Variants in ZNF70 observed in about 807,000 individuals in gnomAD.
ZNF70 encodes zinc finger protein 70.
A neutral mutation model predicts 37.7 loss-of-function variants in ZNF70; 18 were observed. That is an observed-to-expected ratio of 0.48 (90% confidence interval 0.33 to 0.71). The LOEUF (loss-of-function observed/expected upper bound fraction) is 0.71. Ranked by LOEUF, ZNF70 falls within the 30% of genes least tolerant of loss-of-function variation. ZNF70 has a pLI of 0.02. For missense variants in ZNF70, 506 were observed against 568.6 expected (o/e 0.89, Z 1.12); for synonymous variants, 219 against 220.1 (o/e 0.99, Z 0.05).
At position 23,744,889 on chromosome 22, in the gene ZNF70, T is replaced by A. The variant is rs1218234407; in HGVS notation, c.252A>T (p.Arg84Ser). Reference protein sequence around the residue: ...VQHQSIPPGTRPQDDELFGQT... With the variant: ...VQHQSIPPGTSPQDDELFGQT... ...GTCCGAAGAGCTCATCATCCTGGGG[T>A]CTGGTTCCTGGGGGGATACTTTGAT... The change falls in exon 2 of 2, where the codon AGA becomes AGT. Residue 84 changes from arginine (R) to serine (S), a missense_variant. By Grantham distance (110) the Arg-to-Ser change is moderately radical (BLOSUM62 -1). Coordinates refer to ENST00000341976, the MANE Select transcript of ZNF70 (RefSeq NM_021916.4). 10 of 1,614,066 alleles carry A rather than the reference T, an allele frequency of 6.2e-6. No individual in the cohort carries two copies. Among genetic ancestry groups the A allele is most frequent in the East Asian group, 2.2e-5 (1 of 44,896 alleles).
intron 1 of ZNF70, among the ~76,000 whole-genome samples, chr22:23,746,794 A>G (rs1925139116): frequency 6.6e-6 from 1 of 151,368 alleles, no homozygotes. Flanking sequence ...GTCACACTGT[A>G]TTGCCCAGGC....
At position 23,739,004 on chromosome 22, in the gene ZNF70, A is replaced by G. The variant is rs1924797932; in HGVS notation, c.*4796T>C. On this transcript the variant is annotated 3_prime_UTR_variant, in exon 2 of 2. Transcript: ENST00000341976. ...ACTCCTAAACCCCTACATGCTAAAG[A>G]CTCCTAGGCAGGCCATGGACCCCCA... is the stretch of plus-strand genomic sequence containing the variant. 1 of 152,084 alleles carries G rather than the reference A, an allele frequency of 6.6e-6. No homozygotes were observed. Among genetic ancestry groups the G allele is most frequent in the Admixed American group, 6.6e-5 (1 of 15,248 alleles). 9.4% of individuals were successfully genotyped at this position (152,084 alleles called of 1,614,324 possible).
intron 1 of ZNF70, among the ~76,000 whole-genome samples, chr22:23,747,773 G>A (rs373908710): frequency 2.6e-5 from 4 of 152,038 alleles, no homozygotes; most frequent in East Asian, 1.9e-4. Context: ...CAGAGCTTGC[G>A]AGATCATGCC....
Position 23,744,450 on chromosome 22 carries a change from T to C in ZNF70, c.691A>G (p.Lys231Glu). 6.2e-7 allele frequency: 1 copy of C among 1,614,066 alleles called. No homozygotes were observed. Among genetic ancestry groups the C allele is most frequent in the East Asian group, 2.2e-5 (1 of 44,854 alleles). Residue 231 changes from lysine (K) to glutamate (E), a missense_variant, in exon 2 of 2, where the codon AAA becomes GAA. By Grantham distance (56) the Lys-to-Glu change is moderately conservative. Transcript: ENST00000341976. Reference sequence around the variant, plus strand: ...AGGCTGGAGCTCCGGCTGAAATCTTTCCCGCATTCCCTGCACTCGTAGGGC... The same window carrying C: ...AGGCTGGAGCTCCGGCTGAAATCTTCCCCGCATTCCCTGCACTCGTAGGGC... ...KRPYECRECG[K>E]DFSRSSSLRK...
intron 1 of ZNF70, among the ~76,000 whole-genome samples, chr22:23,746,325 G>A (rs2145899064): frequency 6.7e-6 from 1 of 150,102 alleles, no homozygotes; most frequent in East Asian, 2.0e-4. Context: ...TCCTGCCTTG[G>A]CCTCCCGAGT....
At chr22:23,750,616 T>G (rs1046738394) in intron 1 of ZNF70, 95 bp downstream of exon 1, 1 of 152,174 alleles carries the variant, frequency 6.6e-6, no homozygotes, top group African/African-American at 2.4e-5. Flanking sequence ...AAGTCTCCAC[T>G]CAGAAAAAAG....
chr22:23,743,959 G>A lies in ZNF70; in HGVS notation c.1182C>T (p.Cys394=), dbSNP rs372335629. The A allele has an allele frequency of 1.9e-6, 3 of 1,613,990 alleles. No homozygotes were observed. Among genetic ancestry groups the A allele is most frequent in the African/African-American group, 2.7e-5 (2 of 74,916 alleles). The change falls in exon 2 of 2, where the codon TGC becomes TGT. Residue 394 remains cysteine, a synonymous_variant. Coordinates refer to ENST00000341976, the MANE Select transcript of ZNF70 (RefSeq NM_021916.4). ...GGTGCCGGAAGGCTTTGCCACACTC[G>A]CAGGTGTAGGGCTTCTTGCCGGTGT... ...RIHTGKKPYT[C]ECGKAFRHRS...
chr22:23,742,234 A>C lies in ZNF70; in HGVS notation c.*1566T>G, dbSNP rs1347851469. The C allele has an allele frequency of 6.6e-6, 1 of 150,768 alleles. No homozygotes were observed. The highest frequency in any genetic ancestry group is 1.5e-5 in the Non-Finnish European group (1 of 67,960). The allele number at this position is 150,768 out of a possible 1,614,324, so 9.3% of individuals were successfully genotyped here. ...CTGCATTCCAGCCTGGCAACAGGGC[A>C]ACACTCCATCTCAAAAAAAAAAGCC... is the stretch of plus-strand genomic sequence containing the variant. On this transcript the variant is annotated 3_prime_UTR_variant, in exon 2 of 2. Coordinates refer to ENST00000341976, the MANE Select transcript of ZNF70 (RefSeq NM_021916.4).
In ZNF70 at chr22:23,743,684, A is replaced by C; in HGVS notation, c.*116T>G. 7.1e-7 allele frequency: 1 copy of C among 1,407,722 alleles called. No individual in the cohort carries two copies. Among genetic ancestry groups the C allele is most frequent in the Non-Finnish European group, 9.6e-7 (1 of 1,039,862 alleles). The allele number at this position is 1,407,722 out of a possible 1,614,324, so 87.2% of individuals were successfully genotyped here. A position where few individuals can be genotyped will look rare whatever the true frequency, so the allele number is the denominator to read the frequency against. ...GCTAGTGGGATGTTCAAGAGCGCTT[A>C]GGTGGGAAGGTTTCCATTCAGCATC... On this transcript the variant is annotated 3_prime_UTR_variant, in exon 2 of 2. Transcript: ENST00000341976.
Position 23,741,849 on chromosome 22 carries a change from C to A in ZNF70, c.*1951G>T, listed in dbSNP as rs548686521. The A allele has an allele frequency of 1.3e-5, 2 of 152,544 alleles. No individual in the cohort carries two copies. The highest frequency in any genetic ancestry group is 1.3e-4 in the Admixed American group (2 of 15,316). The allele number at this position is 152,544 out of a possible 1,614,324, so 9.4% of individuals were successfully genotyped here. A position where few individuals can be genotyped will look rare whatever the true frequency, so the allele number is the denominator to read the frequency against. On this transcript the variant is annotated 3_prime_UTR_variant, in exon 2 of 2. Transcript: ENST00000341976. ...TCAGCCTGAGCCCATCCCTGAGGCT[C>A]CGGGTGCGGGGAGCAGGGAGTGAGG...
rs894034391 is a variant in ZNF70 at position 23,741,612 on chromosome 22, C to T, written c.*2188G>A. ...GCTTTCCCATGTTTATTCATCAAAA[C>T]TAGGCATAATGGCCATGCTGAGCTT... On this transcript the variant is annotated 3_prime_UTR_variant, in exon 2 of 2. Transcript: ENST00000341976. 1 of 152,254 alleles carries T rather than the reference C, an allele frequency of 6.6e-6. No individual in the cohort carries two copies. The highest frequency in any genetic ancestry group is 1.5e-5 in the Non-Finnish European group (1 of 68,052). 9.4% of individuals were successfully genotyped at this position (152,254 alleles called of 1,614,324 possible). A position where few individuals can be genotyped will look rare whatever the true frequency, so the allele number is the denominator to read the frequency against.
In ZNF70 at chr22:23,743,736, C is replaced by G; in HGVS notation, c.*64G>C. ...GGGAGGTAGGTGGGGTCTTGGAGAC[C>G]ACGCGACGTGGAATAAAGGCTCCAT... On this transcript the variant is annotated 3_prime_UTR_variant, in exon 2 of 2. Transcript: ENST00000341976. 6.5e-6 allele frequency: 10 copies of G among 1,547,280 alleles called. No homozygotes were observed. The highest frequency in any genetic ancestry group is 8.7e-6 in the Non-Finnish European group (10 of 1,150,066).
At position 23,744,668 on chromosome 22, in the gene ZNF70, T is replaced by G; in HGVS notation, c.473A>C (p.His158Pro). 1 of 1,613,018 alleles carries G rather than the reference T, an allele frequency of 6.2e-7. No individual in the cohort carries two copies. Among genetic ancestry groups the G allele is most frequent in the Non-Finnish European group, 8.5e-7 (1 of 1,179,624 alleles). The change falls in exon 2 of 2, where the codon CAC (histidine) becomes CCC (proline). Residue 158 changes from histidine to proline, a missense_variant. His to Pro is a moderately conservative substitution (Grantham distance 77). Coordinates refer to ENST00000341976, the MANE Select transcript of ZNF70 (RefSeq NM_021916.4). Reference sequence around the variant, plus strand: ...CTTCTCCCCAGTGTGGATCACCAGGTGTCGGAGCAGGTGCGAGCTCTGGCT... The same window carrying G: ...CTTCTCCCCAGTGTGGATCACCAGGGGTCGGAGCAGGTGCGAGCTCTGGCT... ...AFSQSSHLLR[H>P]LVIHTGEKPY...
rs1046267168 is a variant in ZNF70, at chr22:23,740,720, C to G, written c.*3080G>C. 1 of 136,014 alleles carries G rather than the reference C, an allele frequency of 7.4e-6. No homozygotes were observed. The highest frequency in any genetic ancestry group is 2.8e-5 in the African/African-American group (1 of 35,440). 8.4% of individuals were successfully genotyped at this position (136,014 alleles called of 1,614,324 possible). On this transcript the variant is annotated 3_prime_UTR_variant, in exon 2 of 2. Coordinates refer to ENST00000341976, the MANE Select transcript of ZNF70 (RefSeq NM_021916.4). ...GTTGCAGCAAGCCAAGATCGCACCA[C>G]TGCACTCCAGCCTGGGTGACAGTGA...
In ZNF70 at chr22:23,745,126, T is replaced by G. The variant is rs1218161968; in HGVS notation, c.15A>C (p.Pro5=). The change falls in exon 2 of 2, where the codon CCA becomes CCC. Residue 5 remains proline, a synonymous_variant. Coordinates refer to ENST00000341976, the MANE Select transcript of ZNF70 (RefSeq NM_021916.4). ...CAAAGGTCTCACCAAACTTTGTTGCTGGGGGAACCTCCATTGTGAATCTGC... is the reference window on the plus strand; with the variant it reads ...CAAAGGTCTCACCAAACTTTGTTGCGGGGGGAACCTCCATTGTGAATCTGC... The part of the protein sequence containing the change: MEVP[P]ATKFGETFAF... The G allele has an allele frequency of 2.5e-6, 4 of 1,611,890 alleles. No individual in the cohort carries two copies. Among genetic ancestry groups the G allele is most frequent in the Non-Finnish European group, 3.4e-6 (4 of 1,178,342 alleles).
chr22:23,739,366 C>T lies in ZNF70; in HGVS notation c.*4434G>A, dbSNP rs968430022. The T allele has an allele frequency of 6.6e-6, 1 of 152,152 alleles. No homozygotes were observed. Among genetic ancestry groups the T allele is most frequent in the African/African-American group, 2.4e-5 (1 of 41,438 alleles). The allele number at this position is 152,152 out of a possible 1,614,324, so 9.4% of individuals were successfully genotyped here. ...CCTCGGCTCACTGCAAGCTCTGCCT[C>T]CCGGGTTCACACCATTCTCCTGCCT... On this transcript the variant is annotated 3_prime_UTR_variant, in exon 2 of 2. Transcript: ENST00000341976.
chr22:23,747,088 A>G (rs373251098), intron 1 of ZNF70, among the ~76,000 whole-genome samples: 45 of 152,360 alleles, frequency 3.0e-4, no homozygotes, highest in Middle Eastern at 3.4e-3. Flanking sequence ...ATAAATTATC[A>G]AATGGAGGAA....
At position 23,745,236 on chromosome 22, in the gene ZNF70, G is replaced by A; in HGVS notation, c.-79-17C>T. On this transcript the variant is annotated splice_polypyrimidine_tract_variant and intron_variant, in intron 1 of 1. Transcript: ENST00000341976. Reference sequence around the variant, plus strand: ...TCTCACAATCTGAAAAGAAAACAGGGAACTCTGTCAAGTCAGCAAGTCAAG... The same window carrying A: ...TCTCACAATCTGAAAAGAAAACAGGAAACTCTGTCAAGTCAGCAAGTCAAG... 7.2e-7 allele frequency: 1 copy of A among 1,390,552 alleles called. No individual in the cohort carries two copies. The highest frequency in any genetic ancestry group is 2.2e-5 in the Admixed American group (1 of 44,750). The allele number at this position is 1,390,552 out of a possible 1,614,324, so 86.1% of individuals were successfully genotyped here.
In ZNF70 at chr22:23,741,777, G is replaced by C. The variant is rs1924881904; in HGVS notation, c.*2023C>G. The stretch of plus-strand genomic sequence containing the variant: ...GCCCAAGGGAAGCCAGGACTAAAGA[G>C]ATCCCCAAGGCCCCAGCCAAACACT... On this transcript the variant is annotated 3_prime_UTR_variant, in exon 2 of 2. Coordinates refer to ENST00000341976, the MANE Select transcript of ZNF70 (RefSeq NM_021916.4). 1 of 152,406 alleles carries C rather than the reference G, an allele frequency of 6.6e-6. No individual in the cohort carries two copies. Among genetic ancestry groups the C allele is most frequent in the Non-Finnish European group, 1.5e-5 (1 of 68,184 alleles). The allele number at this position is 152,406 out of a possible 1,614,324, so 9.4% of individuals were successfully genotyped here. A position where few individuals can be genotyped will look rare whatever the true frequency, so the allele number is the denominator to read the frequency against.
Sources: gnomAD v4.1 joint callset for allele counts (sites outside exome capture counted in the v4.1 genomes callset) on GRCh38, gnomAD v4.1.1 for gene constraint, MANE v1.5 for transcripts, NCBI Gene and HGNC (gene_info 2026-07-23, HGNC 2026-07-21) for gene names.